The following CSMD3 variants were observed in gnomAD, a reference collection of about 807,000 sequenced individuals.
The protein encoded by CSMD3 is CUB and Sushi multiple domains 3, also known as CUB and sushi domain-containing protein 3.
A neutral mutation model predicts 435.2 loss-of-function variants in CSMD3; 177 were observed. The observed-to-expected ratio is 0.41, with a 90% CI of 0.36 to 0.46. The LOEUF is 0.46. Ranked by LOEUF, CSMD3 falls within the 20% of genes least tolerant of loss-of-function variation. The probability of loss-of-function intolerance (pLI) is 0.34; values close to 1 mark genes in which losing one functional copy is unlikely to be tolerated. For missense variants in CSMD3, 4,265 were observed against 4,504.6 expected (o/e 0.95, Z 1.52); for synonymous variants, 1,656 against 1,520.5 (o/e 1.09, Z -2.07).
chr8:112,440,311 G>T (rs1274360065), intron 32 of CSMD3, among the ~76,000 whole-genome samples: 1 of 152,138 alleles, frequency 6.6e-6, no homozygotes, highest in African/African-American at 2.4e-5. Flanking sequence ...TCACATCCAG[G>T]TTATACTGAT....
chr8:112,623,527 T>A (rs79499000), intron 22 of CSMD3, among the ~76,000 whole-genome samples: 3 of 152,060 alleles, frequency 2.0e-5, no homozygotes, highest in African/African-American at 2.4e-5. Context: ...TCATTTTTTT[T>A]ATTATACTTT....
intron 5 of CSMD3, among the ~76,000 whole-genome samples, chr8:113,032,139 T>C (rs2087136242): frequency 6.6e-6 from 1 of 151,556 alleles, no homozygotes; most frequent in African/African-American, 2.4e-5. Context: ...AACAGACTAA[T>C]ACAGAGAGTT....
intron 45 of CSMD3, among the ~76,000 whole-genome samples, chr8:112,324,582 GGT>G (rs145199349): frequency 9.4e-5 from 14 of 149,106 alleles, no homozygotes; most frequent in African/African-American, 1.2e-4. Context: ...TGTGTGTGTG[GGT>G]GTGTGTGTGT....
At chr8:113,360,692 G>C (rs1184612846) in intron 1 of CSMD3, among the ~76,000 whole-genome samples, 4 of 148,792 alleles carry the variant, frequency 2.7e-5, no homozygotes, top group Non-Finnish European at 5.9e-5. Context: ...TCCTGCCTCA[G>C]CCTCCCGAGT....
At chr8:112,523,399 C>T (rs1016048713) in intron 27 of CSMD3, among the ~76,000 whole-genome samples, 2 of 151,850 alleles carry the variant, frequency 1.3e-5, no homozygotes, top group East Asian at 1.9e-4. Flanking sequence ...AACACAAGTA[C>T]ACTTTAATAT....
At chr8:113,023,269 T>C (rs986389895) in intron 5 of CSMD3, among the ~76,000 whole-genome samples, 11 of 152,056 alleles carry the variant, frequency 7.2e-5, no homozygotes, top group African/African-American at 2.4e-4. Flanking sequence ...ATCATCCAAA[T>C]GTAATGGCCT....
intron 68 of CSMD3, 112 bp downstream of exon 68, chr8:112,234,253 T>C: frequency 1.5e-6 from 1 of 658,444 alleles, no homozygotes; most frequent in Non-Finnish European, 2.7e-6. Context: ...TACTAATATA[T>C]ATGTATGTGT....
rs185480465 is a variant in CSMD3 at position 113,178,222 on chromosome 8, A to G, written c.515-4306T>C. Among the ~76,000 whole-genome samples the G allele has an allele frequency of 5.2e-3, 789 of 152,114 alleles. 11 individuals carry two copies. The highest frequency in any genetic ancestry group is 0.018 in the African/African-American group (762 of 41,556). On this transcript the variant is annotated intron_variant, in intron 3 of 70. Coordinates refer to ENST00000297405, the MANE Select transcript of CSMD3 (RefSeq NM_198123.2). ...TCACAAAACACTAGACATTATGGGT[A>G]TAATTCTCCCCATTGTGTAGAAAGG...
chr8:112,700,168 T>C (rs1228574952), intron 13 of CSMD3, among the ~76,000 whole-genome samples: 1 of 152,118 alleles, frequency 6.6e-6, no homozygotes, highest in Non-Finnish European at 1.5e-5. Context: ...TCCGTAGTAG[T>C]TTTAAAACAT....
At chr8:113,331,623 C>G (rs1166802851) in intron 1 of CSMD3, among the ~76,000 whole-genome samples, 2 of 151,626 alleles carry the variant, frequency 1.3e-5, no homozygotes, top group Non-Finnish European at 3.0e-5. Context: ...AAAGCTAAAC[C>G]TAACATTCTG....
At chr8:113,297,972 A>G (rs1444712650) in intron 2 of CSMD3, among the ~76,000 whole-genome samples, 1 of 152,114 alleles carries the variant, frequency 6.6e-6, no homozygotes, top group Non-Finnish European at 1.5e-5. Context: ...GCAAATTAAA[A>G]TTTGTTGATA....
At chr8:112,572,528 C>T (rs550256065) in intron 24 of CSMD3, among the ~76,000 whole-genome samples, 5 of 152,152 alleles carry the variant, frequency 3.3e-5, no homozygotes, top group African/African-American at 1.2e-4. Context: ...ATCTTTGATA[C>T]TGTAACCTTT....
chr8:113,005,229 A>AC (rs2086013312), intron 6 of CSMD3, among the ~76,000 whole-genome samples: 1 of 151,924 alleles, frequency 6.6e-6, no homozygotes, highest in Admixed American at 6.6e-5. Context: ...GGTTTTAACT[A>AC]CCACATTACA....
At chr8:113,083,310 A>C in intron 5 of CSMD3, among the ~76,000 whole-genome samples, 1 of 152,164 alleles carries the variant, frequency 6.6e-6, no homozygotes, top group Admixed American at 6.5e-5. Context: ...CAGGAACCTT[A>C]TAAGCCGGGA....
At chr8:113,300,256 T>C (rs2093755616) in intron 2 of CSMD3, among the ~76,000 whole-genome samples, 1 of 151,998 alleles carries the variant, frequency 6.6e-6, no homozygotes, top group Admixed American at 6.6e-5. Flanking sequence ...TCAACCTCTA[T>C]GGAAAACCAC....
intron 4 of CSMD3, among the ~76,000 whole-genome samples, chr8:113,140,668 A>T (rs2091526629): frequency 6.6e-6 from 1 of 151,196 alleles, no homozygotes; most frequent in African/African-American, 2.4e-5. Flanking sequence ...ACTGTGAATC[A>T]AAGAGAAAGC....
chr8:112,417,235 TAA>T (rs1249655050), intron 32 of CSMD3, among the ~76,000 whole-genome samples: 1 of 152,182 alleles, frequency 6.6e-6, no homozygotes, highest in African/African-American at 2.4e-5. Context: ...AATTGCTTAA[TAA>T]AGAGTTAAGC....
intron 9 of CSMD3, among the ~76,000 whole-genome samples, chr8:112,924,013 G>C (rs931924995): frequency 1.4e-5 from 2 of 143,054 alleles, no homozygotes; most frequent in Admixed American, 1.4e-4. Flanking sequence ...AATGTGATTG[G>C]AGCACAGAAA....
chr8:113,033,535 C>T (rs2087210928), intron 5 of CSMD3, among the ~76,000 whole-genome samples: 1 of 150,354 alleles, frequency 6.7e-6, no homozygotes, highest in African/African-American at 2.4e-5. Flanking sequence ...ATGCTTGTAC[C>T]TGCATTGTAT....
Sources: allele counts gnomAD v4.1 joint callset (sites outside exome capture counted in the v4.1 genomes callset), GRCh38; gene constraint gnomAD v4.1.1; transcripts MANE v1.5; gene names NCBI Gene and HGNC (gene_info 2026-07-23, HGNC 2026-07-21).